Variants in SNX24 observed in about 807,000 individuals in gnomAD.
The protein encoded by SNX24 is sorting nexin 24, also known as sorting nexin-24.
A neutral mutation model predicts 28.7 loss-of-function variants in SNX24; 22 were observed. The ratio of observed to expected loss-of-function variants is 0.77; its 90% CI spans 0.55 to 1.10. The LOEUF is 1.10. Among genes scored for constraint, SNX24 ranks in the 50% least tolerant of loss-of-function variants. The probability of loss-of-function intolerance (pLI) is 0.00; values close to 1 mark genes in which losing one functional copy is unlikely to be tolerated. For missense variants in SNX24, 221 were observed against 201.1 expected, an observed-to-expected ratio of 1.10 and a Z score of -0.60; for synonymous variants, 69 against 71.5, an observed-to-expected ratio of 0.96 and a Z score of 0.18.
intron 2 of SNX24, among the ~76,000 whole-genome samples, chr5:122,940,537 G>A (rs1759395662): frequency 6.6e-6 from 1 of 152,080 alleles, no homozygotes; most frequent in Non-Finnish European, 1.5e-5. Context: ...TATTGCTGCT[G>A]TAACAAATCA....
intron 3 of SNX24, among the ~76,000 whole-genome samples, chr5:122,977,165 C>T (rs1351028664): frequency 6.6e-6 from 1 of 152,052 alleles, no homozygotes; most frequent in Non-Finnish European, 1.5e-5. Flanking sequence ...GTGGAAGAAA[C>T]CATCTTTTAT....
chr5:122,915,758 G>A (rs978292932), intron 1 of SNX24, among the ~76,000 whole-genome samples: 3 of 152,214 alleles, frequency 2.0e-5, no homozygotes, highest in African/African-American at 7.2e-5. Flanking sequence ...CCCTCAGTGT[G>A]GTCTGCCCTC....
intron 3 of SNX24, among the ~76,000 whole-genome samples, chr5:122,970,746 G>A (rs969274974): frequency 1.3e-5 from 2 of 152,122 alleles, no homozygotes; most frequent in African/African-American, 4.8e-5. Context: ...GGAATTACAG[G>A]CATGAGCCAC....
chr5:122,992,909 T>A (rs185564747), intron 3 of SNX24, among the ~76,000 whole-genome samples: 29 of 152,322 alleles, frequency 1.9e-4, no homozygotes, highest in African/African-American at 6.3e-4. Flanking sequence ...ATTTTCCAAT[T>A]TCTTTTGTTC....
intron 3 of SNX24, among the ~76,000 whole-genome samples, chr5:122,963,938 A>T (rs1315892906): frequency 6.6e-6 from 1 of 152,102 alleles, no homozygotes; most frequent in Non-Finnish European, 1.5e-5. Flanking sequence ...TCTGTAATTC[A>T]TCCACTTAGA....
chr5:122,985,416 G>A (rs189733388), intron 3 of SNX24, among the ~76,000 whole-genome samples: 3 of 152,280 alleles, frequency 2.0e-5, no homozygotes, highest in Admixed American at 1.3e-4. Flanking sequence ...TGTCCACTTG[G>A]TGGATCTGGG....
At chr5:122,861,706 T>C (rs2150042685) in intron 1 of SNX24, among the ~76,000 whole-genome samples, 1 of 152,234 alleles carries the variant, frequency 6.6e-6, no homozygotes, top group East Asian at 1.9e-4. Flanking sequence ...CCTTTTCAGT[T>C]GCTTTTTTTT....
chr5:123,028,276 G>C (rs1762890519), intron 5 of SNX24, among the ~76,000 whole-genome samples: 1 of 152,114 alleles, frequency 6.6e-6, no homozygotes, highest in South Asian at 2.1e-4. Context: ...AGTTCTCTTG[G>C]ACTTGTTTTT....
At chr5:122,876,637 C>T (rs1031170892) in intron 1 of SNX24, among the ~76,000 whole-genome samples, 1 of 152,174 alleles carries the variant, frequency 6.6e-6, no homozygotes, top group African/African-American at 2.4e-5. Context: ...TGATTCTATA[C>T]CTCAAGGAGT....
intron 3 of SNX24, among the ~76,000 whole-genome samples, chr5:122,998,962 G>A (rs1716359680): frequency 6.7e-6 from 1 of 149,132 alleles, no homozygotes; most frequent in African/African-American, 2.5e-5. Context: ...CCCATGATAA[G>A]TTATGAAAAA....
At chr5:123,022,428 GTATGT>G (rs1453866962) in intron 5 of SNX24, 3 of 151,856 alleles carry the variant, frequency 2.0e-5, no homozygotes, top group African/African-American at 7.3e-5. Flanking sequence ...TTATAGCCAG[GTATGT>G]TATAACAAGG....
chr5:123,027,010 C>T (rs1301571459), intron 5 of SNX24, among the ~76,000 whole-genome samples: 1 of 152,014 alleles, frequency 6.6e-6, no homozygotes, highest in Non-Finnish European at 1.5e-5. Context: ...CTGGCTAACA[C>T]GGTGAAACCC....
At chr5:123,026,700 A>G (rs931785348) in intron 5 of SNX24, among the ~76,000 whole-genome samples, 1 of 152,220 alleles carries the variant, frequency 6.6e-6, no homozygotes, top group Non-Finnish European at 1.5e-5. Context: ...CCAGTGGTCA[A>G]CCTTGAACAG....
At chr5:122,849,876 A>G (rs1002369985) in intron 1 of SNX24, among the ~76,000 whole-genome samples, 2 of 152,172 alleles carry the variant, frequency 1.3e-5, no homozygotes, top group African/African-American at 4.8e-5. Flanking sequence ...TAATCTTCAT[A>G]GGAGGAGAGA....
intron 6 of SNX24, among the ~76,000 whole-genome samples, chr5:123,006,596 T>A (rs573953893): frequency 6.6e-6 from 1 of 152,270 alleles, no homozygotes; most frequent in Non-Finnish European, 1.5e-5. Flanking sequence ...TAGCTTCCCA[T>A]TGAGTTTCAG....
intron 5 of SNX24, among the ~76,000 whole-genome samples, chr5:123,025,180 C>T (rs1336494296): frequency 6.6e-6 from 1 of 152,026 alleles, no homozygotes; most frequent in Non-Finnish European, 1.5e-5. Flanking sequence ...TAAAATGTGC[C>T]ATCTTACTCA....
At chr5:122,995,505 TG>T (rs1407684743) in intron 3 of SNX24, among the ~76,000 whole-genome samples, 2 of 152,140 alleles carry the variant, frequency 1.3e-5, no homozygotes, top group Non-Finnish European at 2.9e-5. Context: ...TTGCCTTAAG[TG>T]GGGTGAGAGA....
At chr5:122,903,071 CCAGA>C (rs1469242029) in intron 1 of SNX24, among the ~76,000 whole-genome samples, 2 of 152,008 alleles carry the variant, frequency 1.3e-5, no homozygotes, top group East Asian at 3.9e-4. Flanking sequence ...CCTAAATGTC[CCAGA>C]CAGAGGTGGT....
At chr5:123,026,966 G>A (rs1368157493) in intron 5 of SNX24, among the ~76,000 whole-genome samples, 4 of 152,080 alleles carry the variant, frequency 2.6e-5, no homozygotes, top group African/African-American at 4.8e-5. Context: ...AGGCTGAGGC[G>A]GGCAGATCGC....
Sources: gnomAD v4.1 joint callset for allele counts (sites outside exome capture counted in the v4.1 genomes callset) on GRCh38, gnomAD v4.1.1 for gene constraint, MANE v1.5 for transcripts, NCBI Gene and HGNC (gene_info 2026-07-23, HGNC 2026-07-21) for gene names.